Variants in ORC1 observed in about 807,000 individuals in gnomAD.
The protein encoded by ORC1 is origin recognition complex subunit 1, also known as origin recognition complex, subunit 1 homolog.
Under a neutral mutation model 98.9 loss-of-function variants are expected in ORC1, and 61 were observed. The observed-to-expected ratio is 0.62, with a 90% CI of 0.50 to 0.76. The LOEUF (loss-of-function observed/expected upper bound fraction) is 0.76. Ranked by LOEUF, ORC1 falls within the 30% of genes least tolerant of loss-of-function variation. ORC1 has a pLI of 0.00. For synonymous variants in ORC1, 385 were observed against 406.9 expected, an observed-to-expected ratio of 0.95 and a Z score of 0.65; for missense variants, 979 against 1,072.2, an observed-to-expected ratio of 0.91 and a Z score of 1.21.
chr1:52,392,435 G>C (rs1052088399), intron 6 of ORC1, among the ~76,000 whole-genome samples: 12 of 152,172 alleles, frequency 7.9e-5, no homozygotes, highest in African/African-American at 2.4e-4. Context: ...GCCAGAAAAG[G>C]GAACACTTCT....
Position 52,396,222 on chromosome 1 carries a change from C to G in ORC1, c.545G>C (p.Ser182Thr). 6.2e-7 allele frequency: 1 copy of G among 1,614,206 alleles called. No individual in the cohort carries two copies. Among genetic ancestry groups the G allele is most frequent in the Non-Finnish European group, 8.5e-7 (1 of 1,180,036 alleles). The change falls in exon 5 of 17, where the codon AGT becomes ACT. Residue 182 changes from serine (S) to threonine (T), a missense_variant. By Grantham distance (58) the Ser-to-Thr change is moderately conservative. Transcript: ENST00000371568. The stretch of plus-strand genomic sequence containing the variant: ...CACGGGTTTCTGGCACTTGGCTGCA[C>G]TCTCTTGTGGTTTATTCAACTCCGC... Reference protein sequence around the residue: ...LFAELNKPQESAAKCQKPVRA... With the variant: ...LFAELNKPQETAAKCQKPVRA...
intron 1 of ORC1, among the ~76,000 whole-genome samples, chr1:52,403,143 T>C (rs542311785): frequency 3.3e-5 from 5 of 152,352 alleles, no homozygotes; most frequent in South Asian, 2.1e-4. Context: ...ACATTGTGGA[T>C]TGGGCCTCAA....
At chr1:52,405,587 T>C, upstream of ORC1, 5 of 1,111,704 alleles carry the variant, frequency 4.5e-6, no homozygotes, top group South Asian at 5.5e-5. Context: ...ACACTGTTGA[T>C]GTATATTTAG....
chr1:52,387,024 T>C lies in ORC1; in HGVS notation c.1384-1075A>G, dbSNP rs76430455. Among the ~76,000 whole-genome samples, 1,187 of 152,296 alleles carry C rather than the reference T, an allele frequency of 7.8e-3. 18 individuals carry two copies. The highest frequency in any genetic ancestry group is 0.027 in the African/African-American group (1,129 of 41,550). ...CAGAAAAGTGTTGACAAGGCCTTGC[T>C]GAGAAGGTATCAAGAAACCTGATGG... On this transcript the variant is annotated intron_variant, in intron 8 of 16. Transcript: ENST00000371568.
At chr1:52,388,311 C>T (rs1647169775) in intron 8 of ORC1, 131 bp downstream of exon 8, 2 of 842,806 alleles carry the variant, frequency 2.4e-6, no homozygotes, top group Middle Eastern at 3.1e-4. Context: ...GAATATTCCA[C>T]AAAGAATAGC....
intron 5 of ORC1, among the ~76,000 whole-genome samples, chr1:52,394,907 C>G (rs1463790254): frequency 2.6e-5 from 4 of 152,196 alleles, no homozygotes; most frequent in African/African-American, 9.7e-5. Flanking sequence ...GCCTCGGCCT[C>G]CAAAAGTGTT....
chr1:52,382,551 G>A (rs1647085188), intron 13 of ORC1, among the ~76,000 whole-genome samples: 1 of 151,208 alleles, frequency 6.6e-6, no homozygotes, highest in East Asian at 1.9e-4. Context: ...AACACTGCCT[G>A]GCAGGTTATA....
chr1:52,394,023 A>G (rs1647290725), intron 5 of ORC1, among the ~76,000 whole-genome samples: 1 of 152,212 alleles, frequency 6.6e-6, no homozygotes, highest in African/African-American at 2.4e-5. Flanking sequence ...CCATAAGTCA[A>G]CTTTTAAGTC....
rs187438780 is a variant in ORC1, at chr1:52,402,660, G to A, written c.-5-432C>T. ...TAAAACAGAAATACAAAGGCTGGGCGCAGTGGCTCACGCCTGTAATCCCAG... is the reference window on the plus strand; with the variant it reads ...TAAAACAGAAATACAAAGGCTGGGCACAGTGGCTCACGCCTGTAATCCCAG... On this transcript the variant is annotated intron_variant, in intron 1 of 16. Coordinates refer to ENST00000371568, the MANE Select transcript of ORC1 (RefSeq NM_004153.4). Among the ~76,000 whole-genome samples, 185 of 152,310 alleles carry A rather than the reference G, an allele frequency of 1.2e-3. 1 individual carries two copies. Among genetic ancestry groups the A allele is most frequent in the African/African-American group, 1.7e-3 (71 of 41,574 alleles).
Position 52,375,460 on chromosome 1 carries a change from A to G in ORC1, c.2273T>C (p.Met758Thr), listed in dbSNP as rs146343223. ...GGCCGTGATGTATGATGATGAAAAC[A>G]TCTCATCCACAGCTTCCATTGAGTG... ...IAHSMEAVDE[M>T]FSSSYITAIK... is the part of the protein sequence containing the mutation. Residue 758 changes from methionine (M) to threonine (T), a missense_variant, in exon 15 of 17, where the codon ATG (methionine) becomes ACG (threonine). Physicochemically the swap from Met to Thr is moderately conservative, Grantham distance 81. Coordinates refer to ENST00000371568, the MANE Select transcript of ORC1 (RefSeq NM_004153.4). 1.6e-5 allele frequency: 26 copies of G among 1,614,070 alleles called. No homozygotes were observed. The highest frequency in any genetic ancestry group is 2.2e-5 in the Non-Finnish European group (26 of 1,180,034).
chr1:52,381,649 G>C lies in ORC1; in HGVS notation c.2126C>G (p.Ala709Gly), dbSNP rs147351223. The change falls in exon 14 of 17, where the codon GCC becomes GGC. Residue 709 changes from alanine (A) to glycine (G), a missense_variant. Physicochemically the swap from Ala to Gly is moderately conservative, Grantham distance 60. Transcript: ENST00000371568. ...AFEDDAIQLV[A>G]RKVAALSGDA... The stretch of plus-strand genomic sequence containing the variant: ...GTGCAGCTGGTGACTTACCTTCCTG[G>C]CTACCAGCTGGATGGCATCATCTTC... 1.9e-6 allele frequency: 3 copies of C among 1,612,468 alleles called. No individual in the cohort carries two copies. In the East Asian group the frequency reaches 6.7e-5, roughly 36 times the overall value.
chr1:52,379,235 T>C (rs996171288), intron 14 of ORC1, among the ~76,000 whole-genome samples: 2 of 150,070 alleles, frequency 1.3e-5, no homozygotes, highest in Non-Finnish European at 3.0e-5. Flanking sequence ...TTAGCTAAAG[T>C]AGGGTATTTT....
At position 52,381,642 on chromosome 1, in the gene ORC1, C is replaced by A; in HGVS notation, c.2133G>T (p.Lys711Asn). Residue 711 changes from lysine to asparagine, a missense_variant and splice_region_variant, in exon 14 of 17, where the codon AAG (lysine) becomes AAT (asparagine). Physicochemically the swap from Lys to Asn is moderately conservative, Grantham distance 94 (BLOSUM62 0). Transcript: ENST00000371568. ...EDDAIQLVAR[K>N]VAALSGDARR... Reference sequence around the variant, plus strand: ...TTTATGGGTGCAGCTGGTGACTTACCTTCCTGGCTACCAGCTGGATGGCAT... The same window carrying A: ...TTTATGGGTGCAGCTGGTGACTTACATTCCTGGCTACCAGCTGGATGGCAT... The A allele has an allele frequency of 6.2e-7, 1 of 1,612,322 alleles. No individual in the cohort carries two copies. The highest frequency in any genetic ancestry group is 1.1e-5 in the South Asian group (1 of 90,970).
intron 14 of ORC1, among the ~76,000 whole-genome samples, chr1:52,378,624 G>A (rs1434127482): frequency 1.3e-5 from 2 of 148,586 alleles, no homozygotes; most frequent in East Asian, 2.0e-4. Flanking sequence ...AGATTGTGCT[G>A]CTGCACTCCA....
At position 52,397,085 on chromosome 1, in the gene ORC1, C is replaced by A. The variant is rs553544791; in HGVS notation, c.402+600G>T. ...CTTTCTCTCCTTCACTCATTTAACT[C>A]AAAGATAAATTAAGATAATCATGCC... On this transcript the variant is annotated intron_variant, in intron 4 of 16. Coordinates refer to ENST00000371568, the MANE Select transcript of ORC1 (RefSeq NM_004153.4). 5.3e-5 allele frequency among the ~76,000 whole-genome samples: 8 copies of A among 152,288 alleles called. No individual in the cohort carries two copies. The East Asian group carries it at 1.2e-3, about 22-fold the overall frequency.
At chr1:52,375,688 AAAGTT>A (rs1169527623) in intron 14 of ORC1, 89 bp from the exon 15 acceptor site, 42 of 1,244,538 alleles carry the variant, frequency 3.4e-5, no homozygotes, top group Non-Finnish European at 4.5e-5. Context: ...ACATAAGCGT[AAAGTT>A]AAGTACTTAG....
At chr1:52,387,638 A>G (rs1557576854) in intron 8 of ORC1, among the ~76,000 whole-genome samples, 1 of 152,066 alleles carries the variant, frequency 6.6e-6, no homozygotes, top group Non-Finnish European at 1.5e-5. Flanking sequence ...TTGTATTTTA[A>G]GCAGAGACAG....
rs1647135379 is a variant in ORC1, at chr1:52,385,870, A to G, written c.1463T>C (p.Leu488Pro). ...SLAAQEPASVLEEARLRLHVS... is the reference protein window; with the variant it reads ...SLAAQEPASVPEEARLRLHVS... ...GCAGTACCTCAGTCGGGCTTCCTCCAGCACACTGGCTGGCTCCTGGGCAGC... is the reference window on the plus strand; with the variant it reads ...GCAGTACCTCAGTCGGGCTTCCTCCGGCACACTGGCTGGCTCCTGGGCAGC... The change falls in exon 9 of 17, where the codon CTG (leucine) becomes CCG (proline). Residue 488 changes from leucine (L) to proline (P), a missense_variant. Coordinates refer to ENST00000371568, the MANE Select transcript of ORC1 (RefSeq NM_004153.4). 1 of 1,613,624 alleles carries G rather than the reference A, an allele frequency of 6.2e-7. No homozygotes were observed. Among genetic ancestry groups the G allele is most frequent in the Admixed American group, 1.7e-5 (1 of 60,006 alleles).
chr1:52,375,395 C>G (rs749094007), intron 15 of ORC1, 35 bp downstream of exon 15: 5 of 1,601,188 alleles, frequency 3.1e-6, no homozygotes, highest in Non-Finnish European at 4.3e-6. Flanking sequence ...GTTTCTACAG[C>G]CTTCCAGGAA....
Sources: gnomAD v4.1 joint callset for allele counts (sites outside exome capture counted in the v4.1 genomes callset) on GRCh38, gnomAD v4.1.1 for gene constraint, MANE v1.5 for transcripts, NCBI Gene and HGNC (gene_info 2026-07-23, HGNC 2026-07-21) for gene names.